Variants in PHEX observed in about 807,000 individuals in gnomAD.
PHEX encodes phosphate regulating endopeptidase X-linked, also known as phosphate-regulating neutral endopeptidase PHEX.
PHEX carries 16 observed loss-of-function variants against 68.0 expected under a neutral mutation model. The ratio of observed to expected loss-of-function variants is 0.24; its 90% CI spans 0.16 to 0.36. The LOEUF is 0.36. Among genes scored for constraint, PHEX ranks in the 10% least tolerant of loss-of-function variants. The pLI is 1.00. For missense variants in PHEX, 480 were observed against 575.5 expected, an observed-to-expected ratio of 0.83 and a Z score of 1.70; for synonymous variants, 208 against 205.1, an observed-to-expected ratio of 1.01 and a Z score of -0.12.
At chrX:22,234,376 C>T (rs1935885751) in intron 20 of PHEX, among the ~76,000 whole-genome samples, 1 of 112,299 alleles carries the variant, frequency 8.9e-6, no homozygotes, top group Non-Finnish European at 1.9e-5. Flanking sequence ...ACAGCTGCCC[C>T]TTCCCCCAAG....
At chrX:22,055,174 C>CA (rs111628195) in intron 3 of PHEX, among the ~76,000 whole-genome samples, 1 of 66,089 alleles carries the variant, frequency 1.5e-5, no homozygotes, top group Non-Finnish European at 3.0e-5. Context: ...GACTCCAGCT[C>CA]AAAAAAAAAA....
At chrX:22,194,994 C>A (rs1306424951) in intron 15 of PHEX, among the ~76,000 whole-genome samples, 2 of 112,308 alleles carry the variant, frequency 1.8e-5, no homozygotes, top group South Asian at 7.3e-4. Context: ...CGACACTGAT[C>A]TTGCTGCTTT....
Position 22,133,572 on chromosome X carries a change from A to G in PHEX, c.1352A>G (p.Glu451Gly). The change falls in exon 12 of 22, where the codon GAG becomes GGG. Residue 451 changes from glutamate (E) to glycine (G), a missense_variant. Coordinates refer to ENST00000379374, the MANE Select transcript of PHEX (RefSeq NM_000444.6). ...GVRWAFIDML[E>G]KENEWMDAGT... ...CGCTGGGCCTTTATTGACATGCTAG[A>G]GAAAGAAAATGAGTGGATGGATGCA... The G allele has an allele frequency of 8.3e-7, 1 of 1,210,350 alleles. No homozygotes were observed. The highest frequency in any genetic ancestry group is 1.1e-6 in the Non-Finnish European group (1 of 894,330).
chrX:22,213,189 G>T (rs138099920), intron 16 of PHEX, among the ~76,000 whole-genome samples: 1 of 112,081 alleles, frequency 8.9e-6, no homozygotes, highest in Non-Finnish European at 1.9e-5. Context: ...TCATTTTTAT[G>T]CATTTATTCT....
intron 12 of PHEX, among the ~76,000 whole-genome samples, chrX:22,143,795 T>C (rs1025069059): frequency 1.8e-5 from 2 of 112,320 alleles, no homozygotes; most frequent in Non-Finnish European, 3.8e-5. Flanking sequence ...AATAGCAAAA[T>C]AAACCCCTGT....
intron 2 of PHEX, among the ~76,000 whole-genome samples, chrX:22,042,770 G>A (rs965622394): frequency 1.8e-5 from 2 of 111,683 alleles, no homozygotes; most frequent in African/African-American, 3.3e-5. Context: ...AACCCCAAGG[G>A]GGAGGTTGCA....
At chrX:22,213,017 G>A in intron 16 of PHEX, 59 bp downstream of exon 16, 1 of 894,511 alleles carries the variant, frequency 1.1e-6, no homozygotes, top group Non-Finnish European at 1.7e-6. Context: ...TGTTGCTTTG[G>A]TAGAGGACAG....
At chrX:22,056,748 C>T (rs920823196) in intron 3 of PHEX, among the ~76,000 whole-genome samples, 2 of 100,736 alleles carry the variant, frequency 2.0e-5, no homozygotes, top group Non-Finnish European at 4.0e-5. Context: ...CGTGACAGAG[C>T]GAGACTCTGT....
At position 22,205,695 on chromosome X, in the gene PHEX, TTAA is replaced by T. The variant is rs1934690138; in HGVS notation, c.1646-7206_1646-7204del. ...CTTTATTAATATTAAATTATTATTA[TTAA>T]TATTTAAAAAACTTCCAAATAACAT... On this transcript the variant is annotated intron_variant, in intron 15 of 21. Coordinates refer to ENST00000379374, the MANE Select transcript of PHEX (RefSeq NM_000444.6). 2.9e-5 allele frequency among the ~76,000 whole-genome samples: 3 copies of T among 105,127 alleles called. No homozygotes were observed. In the South Asian group the frequency reaches 1.2e-3, roughly 40 times the overall value. The allele number at this position is 105,127 out of a possible 115,157, so 91.3% of individuals were successfully genotyped here. A position where few individuals can be genotyped will look rare whatever the true frequency, so the allele number is the denominator to read the frequency against.
intron 5 of PHEX, among the ~76,000 whole-genome samples, chrX:22,080,534 A>G (rs754465039): frequency 9.0e-6 from 1 of 111,548 alleles, no homozygotes; most frequent in African/African-American, 3.3e-5. Flanking sequence ...CATGAAACCC[A>G]TTGAACCTGA....
chrX:22,102,560 T>C (rs1287708114), intron 9 of PHEX, among the ~76,000 whole-genome samples: 3 of 112,615 alleles, frequency 2.7e-5, no homozygotes, highest in African/African-American at 6.5e-5. Flanking sequence ...TCTCATGTAG[T>C]AGACACTTTA....
rs11311631 is a variant in PHEX, at chrX:22,244,433, TAA to T, written c.2071-890_2071-889del. ...ATGTACCCCAGAATTTAAAGTATAATAAAAAAAAAAATACAAAAATTAGCTGG... is the reference window on the plus strand; with the variant it reads ...ATGTACCCCAGAATTTAAAGTATAATAAAAAAAAATACAAAAATTAGCTGG... On this transcript the variant is annotated intron_variant, in intron 20 of 21. Transcript: ENST00000379374. 2.8e-3 allele frequency among the ~76,000 whole-genome samples: 287 copies of T among 103,811 alleles called. 1 individual carries two copies. Among genetic ancestry groups the T allele is most frequent in the Middle Eastern group, 0.019 (4 of 207 alleles). The allele number at this position is 103,811 out of a possible 115,157, so 90.1% of individuals were successfully genotyped here. A position where few individuals can be genotyped will look rare whatever the true frequency, so the allele number is the denominator to read the frequency against.
rs138466585 is a variant in PHEX, at chrX:22,215,539, G to A, written c.1700+2581G>A. Reference sequence around the variant, plus strand: ...AGGACTGTAAATGGTTGAAGACAACGTTTCCCAAAGTGTGTGTTCCATGAA... The same window carrying A: ...AGGACTGTAAATGGTTGAAGACAACATTTCCCAAAGTGTGTGTTCCATGAA... On this transcript the variant is annotated intron_variant, in intron 16 of 21. Coordinates refer to ENST00000379374, the MANE Select transcript of PHEX (RefSeq NM_000444.6). Among the ~76,000 whole-genome samples the A allele has an allele frequency of 5.5e-3, 615 of 111,423 alleles. 1 individual carries two copies. The highest frequency in any genetic ancestry group is 9.6e-3 in the Non-Finnish European group (511 of 53,110).
chrX:22,185,476 G>T (rs1020083327), intron 14 of PHEX, among the ~76,000 whole-genome samples: 3 of 111,676 alleles, frequency 2.7e-5, no homozygotes, highest in Non-Finnish European at 5.6e-5. Flanking sequence ...ACAGGGAGTG[G>T]TAGGGACTGT....
intron 5 of PHEX, among the ~76,000 whole-genome samples, chrX:22,083,114 G>A (rs780054662): frequency 6.3e-5 from 7 of 111,987 alleles, no homozygotes; most frequent in Non-Finnish European, 1.1e-4. Context: ...TGTGGTGCTG[G>A]GATAACTGGC....
intron 12 of PHEX, among the ~76,000 whole-genome samples, chrX:22,134,580 G>A (rs1008269322): frequency 8.9e-6 from 1 of 112,511 alleles, no homozygotes; most frequent in Non-Finnish European, 1.9e-5. Flanking sequence ...GTGACAGAGC[G>A]AGACTCCATC....
At chrX:22,185,745 T>G (rs1934008489) in intron 14 of PHEX, among the ~76,000 whole-genome samples, 1 of 95,571 alleles carries the variant, frequency 1.0e-5, no homozygotes, top group African/African-American at 4.1e-5. Flanking sequence ...GCTGCATGGT[T>G]CTCGTTTGTG....
At chrX:22,166,019 C>T (rs1440229989) in intron 12 of PHEX, among the ~76,000 whole-genome samples, 1 of 111,812 alleles carries the variant, frequency 8.9e-6, no homozygotes, top group African/African-American at 3.3e-5. Flanking sequence ...GGCCCAGGGA[C>T]CATATTTTGC....
chrX:22,041,092 C>A (rs1927252216), intron 2 of PHEX, among the ~76,000 whole-genome samples: 1 of 108,359 alleles, frequency 9.2e-6, no homozygotes, highest in African/African-American at 3.4e-5. Flanking sequence ...GTGGGTGACG[C>A]TTAGATTTTT....
Sources: gnomAD v4.1 joint callset for allele counts (sites outside exome capture counted in the v4.1 genomes callset) on GRCh38, gnomAD v4.1.1 for gene constraint, MANE v1.5 for transcripts, NCBI Gene and HGNC (gene_info 2026-07-23, HGNC 2026-07-21) for gene names.